Variants in RBFOX1 observed in about 807,000 individuals in gnomAD.
RBFOX1 encodes the protein RNA binding fox-1 homolog 1, also known as RNA binding protein fox-1 homolog 1.
A neutral mutation model predicts 57.7 loss-of-function variants in RBFOX1; 8 were observed. That is an observed-to-expected ratio of 0.14 (90% CI 0.08 to 0.25). The LOEUF (loss-of-function observed/expected upper bound fraction) is 0.25. RBFOX1 is among the 10% of genes least tolerant of loss of function. RBFOX1 has a pLI of 1.00. For missense variants in RBFOX1, 611 were observed against 548.5 expected (o/e 1.11, Z -1.14); for synonymous variants, 326 against 222.4 (o/e 1.47, Z -4.15).
chr16:6,619,978 C>A (rs754255980), intron 2 of RBFOX1, among the ~76,000 whole-genome samples: 1 of 152,092 alleles, frequency 6.6e-6, no homozygotes, highest in Admixed American at 6.6e-5. Context: ...TCTGTTCCTG[C>A]GTTAGTTTGC....
chr16:5,962,729 G>A (rs1418795024), intron 4 of RBFOX1, among the ~76,000 whole-genome samples: 1 of 151,538 alleles, frequency 6.6e-6, no homozygotes, highest in Non-Finnish European at 1.5e-5. Flanking sequence ...GTAATAGTGT[G>A]TATAGCCTGT....
intron 11 of RBFOX1, among the ~76,000 whole-genome samples, chr16:7,645,281 A>G (rs1392864732): frequency 1.3e-5 from 2 of 152,124 alleles, no homozygotes; most frequent in Non-Finnish European, 2.9e-5. Flanking sequence ...GTGAGTAACT[A>G]CCACCCATAA....
chr16:5,681,502 C>T (rs1185003175), intron 3 of RBFOX1, among the ~76,000 whole-genome samples: 1 of 151,384 alleles, frequency 6.6e-6, no homozygotes, highest in African/African-American at 2.4e-5. Flanking sequence ...GATTCTCCTG[C>T]CTCAGCCTCT....
intron 3 of RBFOX1, among the ~76,000 whole-genome samples, chr16:6,948,899 A>G (rs2080126080): frequency 6.6e-6 from 1 of 152,148 alleles, no homozygotes; most frequent in Admixed American, 6.6e-5. Flanking sequence ...GCATCCTCTG[A>G]CTGTCAATGA....
At position 5,379,832 on chromosome 16, in the gene RBFOX1, T is replaced by C. The variant is rs182553709; in HGVS notation, c.220-87384T>C. Among the ~76,000 whole-genome samples, 282 of 152,326 alleles carry C rather than the reference T, an allele frequency of 1.9e-3. 3 individuals are homozygous for C. Among genetic ancestry groups the C allele is most frequent in the African/African-American group, 6.4e-3 (264 of 41,570 alleles). The stretch of plus-strand genomic sequence containing the variant: ...GTGGTCTGGGTAACATTTCAGGGTT[T>C]TGATAGTACCCAAGTCATTAAACAT... On this transcript the variant is annotated intron_variant, in intron 1 of 2. Transcript: ENST00000585867.
At chr16:7,243,695 C>A (rs1165289565) in intron 4 of RBFOX1, among the ~76,000 whole-genome samples, 1 of 151,998 alleles carries the variant, frequency 6.6e-6, no homozygotes, top group Non-Finnish European at 1.5e-5. Flanking sequence ...TACAGGCGTG[C>A]ATCATCACAT....
chr16:5,999,938 A>C (rs2060566688), intron 4 of RBFOX1, among the ~76,000 whole-genome samples: 2 of 151,030 alleles, frequency 1.3e-5, no homozygotes, highest in African/African-American at 4.9e-5. Flanking sequence ...ACAAGGAAAG[A>C]AAGCAAGCAT....
At chr16:5,672,029 C>A (rs979015830) in intron 3 of RBFOX1, among the ~76,000 whole-genome samples, 1 of 152,122 alleles carries the variant, frequency 6.6e-6, no homozygotes, top group African/African-American at 2.4e-5. Context: ...GAGAGATTTG[C>A]ATCTTTGAGA....
intron 3 of RBFOX1, among the ~76,000 whole-genome samples, chr16:5,834,815 T>C (rs201974338): frequency 9.9e-4 from 99 of 100,326 alleles, no homozygotes; most frequent in East Asian, 8.3e-3. Flanking sequence ...GATAGATAGA[T>C]AGATAGACAG....
chr16:6,524,239 T>C (rs773367846), intron 2 of RBFOX1, among the ~76,000 whole-genome samples: 42 of 152,186 alleles, frequency 2.8e-4, no homozygotes, highest in Admixed American at 6.5e-4. Flanking sequence ...AGTGAGAATA[T>C]GCACTGTGTG....
chr16:6,762,730 G>C (rs565536079), intron 3 of RBFOX1, among the ~76,000 whole-genome samples: 1 of 152,108 alleles, frequency 6.6e-6, no homozygotes, highest in African/African-American at 2.4e-5. Flanking sequence ...TCTAGAGATA[G>C]AAAAATAGTA....
intron 5 of RBFOX1, among the ~76,000 whole-genome samples, chr16:7,555,462 G>T (rs772123649): frequency 6.6e-6 from 1 of 152,188 alleles, no homozygotes; most frequent in East Asian, 1.9e-4. Flanking sequence ...GCGGGGAAAA[G>T]GATATAAGAG....
chr16:6,157,862 C>G (rs1312717685), intron 1 of RBFOX1, among the ~76,000 whole-genome samples: 1 of 152,074 alleles, frequency 6.6e-6, no homozygotes, highest in Non-Finnish European at 1.5e-5. Context: ...TTTGTGAACT[C>G]CAGTGAAAAG....
intron 4 of RBFOX1, among the ~76,000 whole-genome samples, chr16:5,870,860 C>G (rs1220600449): frequency 6.6e-6 from 1 of 152,046 alleles, no homozygotes; most frequent in Non-Finnish European, 1.5e-5. Context: ...TCTCAAATGA[C>G]TTTCTTTCCC....
At chr16:6,930,452 C>G (rs1435016857) in intron 3 of RBFOX1, among the ~76,000 whole-genome samples, 2 of 152,146 alleles carry the variant, frequency 1.3e-5, no homozygotes, top group African/African-American at 4.8e-5. Flanking sequence ...CTCTGTCACC[C>G]AGGCTGGAGC....
chr16:6,896,580 T>G (rs1041463906), intron 3 of RBFOX1, among the ~76,000 whole-genome samples: 4 of 152,192 alleles, frequency 2.6e-5, no homozygotes, highest in Admixed American at 1.3e-4. Context: ...TCCATCTTTG[T>G]CATTGCAAAT....
rs934325226 is a variant in RBFOX1 at position 7,405,753 on chromosome 16, G to A, written c.28-112394G>A. The stretch of plus-strand genomic sequence containing the variant: ...CAGTAAGCTTGGATGACACAGAGGG[G>A]GTTCTCAGTGCTAGGGTTTTTGCCT... On this transcript the variant is annotated intron_variant, in intron 4 of 15. Coordinates refer to ENST00000550418, the MANE Select transcript of RBFOX1 (RefSeq NM_018723.4). Among the ~76,000 whole-genome samples, 3 of 152,106 alleles carry A rather than the reference G, an allele frequency of 2.0e-5. No individual in the cohort carries two copies. The East Asian group carries it at 5.8e-4, about 29-fold the overall frequency.
intron 1 of RBFOX1, among the ~76,000 whole-genome samples, chr16:5,454,942 CCTTCCTTCCTTCCTTCCTTTCTTTCTTT>C (rs1251418051): frequency 1.4e-3 from 62 of 45,632 alleles, no homozygotes; most frequent in African/African-American, 4.1e-3. Flanking sequence ...TTCCTTCCTT[CCTTCCTTCCTTCCTTCCTTTCTTTCTTT>C]CTTTCTTTCT....
intron 2 of RBFOX1, among the ~76,000 whole-genome samples, chr16:6,419,631 C>T (rs7189582): frequency 0.19 from 29,118 of 152,022 alleles, 5,745 homozygotes; most frequent in African/African-American, 0.5. Flanking sequence ...TGCTTCCCTG[C>T]GTGGTGTGGT....
Sources: gnomAD v4.1 joint callset for allele counts (sites outside exome capture counted in the v4.1 genomes callset) on GRCh38, gnomAD v4.1.1 for gene constraint, MANE v1.5 for transcripts, NCBI Gene and HGNC (gene_info 2026-07-23, HGNC 2026-07-21) for gene names.